The following WWP2 variants were observed in gnomAD, a reference collection of about 807,000 sequenced individuals.
WWP2 encodes the protein NEDD4-like E3 ubiquitin-protein ligase WWP2.
Under a neutral mutation model 121.0 loss-of-function variants are expected in WWP2, and 57 were observed. That is an observed-to-expected ratio of 0.47 (90% CI 0.38 to 0.59). The LOEUF (loss-of-function observed/expected upper bound fraction) is 0.59. WWP2 is among the 20% of genes least tolerant of loss of function. The pLI, the probability that WWP2 is intolerant of heterozygous loss-of-function variation, is 0.00. For synonymous variants in WWP2, 449 were observed against 441.3 expected, an observed-to-expected ratio of 1.02 and a Z score of -0.22; for missense variants, 962 against 1,158.9, an observed-to-expected ratio of 0.83 and a Z score of 2.47.
At chr16:69,833,841 A>G (rs2056831517) in intron 4 of WWP2, among the ~76,000 whole-genome samples, 1 of 152,026 alleles carries the variant, frequency 6.6e-6, no homozygotes, top group Non-Finnish European at 1.5e-5. Context: ...ACTTGCCCAA[A>G]GCTTTGATTC....
At position 69,937,697 on chromosome 16, in the gene WWP2, A is replaced by C. The variant is rs775416843; in HGVS notation, c.2343+45A>C. 3.1e-6 allele frequency: 5 copies of C among 1,599,900 alleles called. No individual in the cohort carries two copies. Among genetic ancestry groups the C allele is most frequent in the East Asian group, 2.2e-5 (1 of 44,574 alleles). On this transcript the variant is annotated intron_variant, in intron 21 of 23. Transcript: ENST00000359154. This position sits in a 1 kb window ranked among gnomAD's most constrained non-coding sequence, Gnocchi z 6.6. ...CTTGGCAGGGACATTTGGGCCATCA[A>C]CCAAAGGAAACGGGTCCTGAGGAGG...
intron 23 of WWP2, 121 bp from the exon 24 acceptor site, chr16:69,939,718 GGC>G (rs1555506542): frequency 1.3e-6 from 1 of 782,880 alleles, no homozygotes; most frequent in Non-Finnish European, 1.8e-6. Flanking sequence ...AGGCCTGACT[GGC>G]AGCCCCTGAG....
intron 2 of WWP2, among the ~76,000 whole-genome samples, chr16:69,793,898 G>A (rs1275835262): frequency 8.9e-6 from 1 of 112,440 alleles, no homozygotes; most frequent in Non-Finnish European, 1.9e-5. Flanking sequence ...GGGAAGGGCT[G>A]TTATTATCCT....
chr16:69,777,420 C>T (rs986532261), intron 1 of WWP2, among the ~76,000 whole-genome samples: 4 of 151,812 alleles, frequency 2.6e-5, no homozygotes, highest in South Asian at 4.2e-4. Context: ...CCTGCCTCAG[C>T]CTCCTTATTA....
In WWP2 at chr16:69,877,954, C is replaced by G. The variant is rs112117896; in HGVS notation, c.703+6023C>G. Among the ~76,000 whole-genome samples the G allele has an allele frequency of 3.0e-3, 464 of 152,156 alleles. 8 individuals carry two copies. Among genetic ancestry groups the G allele is most frequent in the African/African-American group, 0.01 (424 of 41,498 alleles). The stretch of plus-strand genomic sequence containing the variant: ...CCCCCAGTAGCTGGGATTATAGGCG[C>G]GTGCCACCGTGCCCAGCTAATTTTT... On this transcript the variant is annotated intron_variant, in intron 7 of 23. Transcript: ENST00000359154.
intron 1 of WWP2, among the ~76,000 whole-genome samples, chr16:69,784,923 GT>G (rs879492533): frequency 2.3e-3 from 336 of 144,134 alleles, no homozygotes; most frequent in Middle Eastern, 7.2e-3. Context: ...TAAAATATGA[GT>G]TTTTTTTTTT....
chr16:69,934,268 C>T, intron 17 of WWP2, 139 bp downstream of exon 17: 1 of 1,153,042 alleles, frequency 8.7e-7, no homozygotes, highest in Non-Finnish European at 1.2e-6. Flanking sequence ...GGAGGAGGCC[C>T]TGGGCCTGTT....
chr16:69,834,460 T>C (rs1310127436), intron 4 of WWP2, among the ~76,000 whole-genome samples: 1 of 152,130 alleles, frequency 6.6e-6, no homozygotes, highest in African/African-American at 2.4e-5. Flanking sequence ...TCCCCCTTCT[T>C]TTATTTTTTC....
chr16:69,834,820 G>A (rs1324176453), intron 4 of WWP2, among the ~76,000 whole-genome samples: 2 of 149,250 alleles, frequency 1.3e-5, no homozygotes. Flanking sequence ...GAGCCATGGC[G>A]CCCAGCCTGC....
At chr16:69,789,653 A>G (rs1308501985) in intron 2 of WWP2, among the ~76,000 whole-genome samples, 1 of 152,232 alleles carries the variant, frequency 6.6e-6, no homozygotes, top group African/African-American at 2.4e-5. Context: ...TTTGAGAGCC[A>G]GATTGCCTTC....
chr16:69,825,689 G>A (rs1377842998), intron 4 of WWP2, among the ~76,000 whole-genome samples: 5 of 148,904 alleles, frequency 3.4e-5, no homozygotes, highest in African/African-American at 1.2e-4. Flanking sequence ...GTAGTGGTGC[G>A]ATCACAGCTC....
chr16:69,924,157 C>T (rs2058604605), intron 10 of WWP2, among the ~76,000 whole-genome samples: 1 of 152,224 alleles, frequency 6.6e-6, no homozygotes. Flanking sequence ...TTTGTTGGAA[C>T]TTGCTTGGAA....
At chr16:69,815,512 G>A (rs2056471910) in intron 4 of WWP2, among the ~76,000 whole-genome samples, 1 of 151,820 alleles carries the variant, frequency 6.6e-6, no homozygotes, top group African/African-American at 2.4e-5. Flanking sequence ...AGAGGGGCAG[G>A]GGCTGGGCAC....
chr16:69,850,671 G>A (rs1227068052), intron 6 of WWP2, among the ~76,000 whole-genome samples: 4 of 152,128 alleles, frequency 2.6e-5, no homozygotes, highest in Non-Finnish European at 5.9e-5. Context: ...AAGGCAAGGA[G>A]GAGTAAGAGA....
intron 7 of WWP2, among the ~76,000 whole-genome samples, chr16:69,887,224 C>T (rs1597110852): frequency 2.0e-5 from 3 of 152,318 alleles, no homozygotes; most frequent in Admixed American, 2.0e-4. Flanking sequence ...GCCCTTCTTG[C>T]TTCCTACTTT....
chr16:69,905,025 A>C (rs1032056932), intron 8 of WWP2, among the ~76,000 whole-genome samples: 1 of 152,220 alleles, frequency 6.6e-6, no homozygotes, highest in African/African-American at 2.4e-5. Context: ...GGTTCCAGCC[A>C]GTCACAGGCA....
intron 8 of WWP2, among the ~76,000 whole-genome samples, chr16:69,900,545 CAG>C (rs1038649625): frequency 6.6e-6 from 1 of 150,780 alleles, no homozygotes; most frequent in African/African-American, 2.4e-5. Context: ...TTCTTTGAGA[CAG>C]AGTCTTGCTC....
At chr16:69,810,907 A>G (rs1472402006) in intron 4 of WWP2, among the ~76,000 whole-genome samples, 1 of 151,640 alleles carries the variant, frequency 6.6e-6, no homozygotes, top group Non-Finnish European at 1.5e-5. Context: ...GGTTCACACC[A>G]CCACGCCCAG....
intron 6 of WWP2, among the ~76,000 whole-genome samples, chr16:69,864,669 C>A (rs1370199160): frequency 6.6e-6 from 1 of 151,086 alleles, no homozygotes; most frequent in Non-Finnish European, 1.5e-5. Flanking sequence ...CCTGCCTCAG[C>A]CTCCTGAGTA....
Sources: allele counts gnomAD v4.1 joint callset (sites outside exome capture counted in the v4.1 genomes callset), GRCh38; gene constraint gnomAD v4.1.1; non-coding constraint Gnocchi (gnomAD v3.1); transcripts MANE v1.5; gene names NCBI Gene and HGNC (gene_info 2026-07-23, HGNC 2026-07-21).